The following CEP43 variants were observed in gnomAD, a reference collection of about 807,000 sequenced individuals.
CEP43 encodes centrosomal protein 43, also known as FGFR1 oncogene partner.
A neutral mutation model predicts 52.6 loss-of-function variants in CEP43; 36 were observed. The ratio of observed to expected loss-of-function variants is 0.68; its 90% CI spans 0.52 to 0.90. The LOEUF (loss-of-function observed/expected upper bound fraction) is 0.90, where lower values mean the gene tolerates loss of function less well. Ranked by LOEUF, CEP43 falls within the 40% of genes least tolerant of loss-of-function variation. The pLI, the probability that CEP43 is intolerant of heterozygous loss-of-function variation, is 0.00. For missense variants in CEP43, 506 were observed against 472.8 expected, an observed-to-expected ratio of 1.07 and a Z score of -0.65; for synonymous variants, 192 against 172.4, an observed-to-expected ratio of 1.11 and a Z score of -0.89.
rs1780704114 is a variant in CEP43 at position 167,041,866 on chromosome 6, C to G, written c.*1888C>G. 1.1e-6 allele frequency: 1 copy of G among 911,702 alleles called. No individual in the cohort carries two copies. The highest frequency in any genetic ancestry group is 6.0e-5 in the Admixed American group (1 of 16,700). 56.5% of individuals were successfully genotyped at this position (911,702 alleles called of 1,614,324 possible). A position where few individuals can be genotyped will look rare whatever the true frequency, so the allele number is the denominator to read the frequency against. On this transcript the variant is annotated 3_prime_UTR_variant, in exon 13 of 13. Transcript: ENST00000366847. Reference sequence around the variant, plus strand: ...GGGGACAGAGTCTCACTGTGTCACTCAGACTGGAGTACAGTGATGCGATCT... The same window carrying G: ...GGGGACAGAGTCTCACTGTGTCACTGAGACTGGAGTACAGTGATGCGATCT...
At chr6:167,025,723 C>T (rs961796619) in intron 9 of CEP43, among the ~76,000 whole-genome samples, 9 of 152,262 alleles carry the variant, frequency 5.9e-5, no homozygotes, top group African/African-American at 7.2e-5. Flanking sequence ...TTATAATGTC[C>T]GCATCCCTTC....
Position 167,044,405 on chromosome 6 carries a change from CAAG to C in CEP43, c.*4432_*4434del. ...ATTTCAAAGAAATCTTTATGTTTAG[CAAG>C]AAGACCAAGATGACAAGATGCGCCA... On this transcript the variant is annotated 3_prime_UTR_variant, in exon 13 of 13. Coordinates refer to ENST00000366847, the MANE Select transcript of CEP43 (RefSeq NM_007045.4). 7 of 985,330 alleles carry C rather than the reference CAAG, an allele frequency of 7.1e-6. No homozygotes were observed. The highest frequency in any genetic ancestry group is 8.4e-6 in the Non-Finnish European group (7 of 829,888). 61.0% of individuals were successfully genotyped at this position (985,330 alleles called of 1,614,324 possible).
chr6:167,047,723 A>G lies in CEP43; in HGVS notation c.*7745A>G, dbSNP rs1780820062. On this transcript the variant is annotated 3_prime_UTR_variant, in exon 13 of 13. Transcript: ENST00000366847. ...CAAAGCTCTCGCCCCGCGCCGAGCT[A>G]CTGTGATGTATTTTTATGACCTGGC... 3 of 152,270 alleles carry G rather than the reference A, an allele frequency of 2.0e-5. No homozygotes were observed. In the South Asian group the frequency reaches 6.2e-4, roughly 32 times the overall value. The allele number at this position is 152,270 out of a possible 1,614,324, so 9.4% of individuals were successfully genotyped here. A position where few individuals can be genotyped will look rare whatever the true frequency, so the allele number is the denominator to read the frequency against.
chr6:167,028,198 T>A (rs921967359), intron 10 of CEP43: 34 of 985,348 alleles, frequency 3.5e-5, no homozygotes, highest in Non-Finnish European at 4.0e-5. Flanking sequence ...CCAAACCTTT[T>A]AGCTTTTTTC....
At chr6:167,006,798 G>A (rs1779865168) in intron 5 of CEP43, among the ~76,000 whole-genome samples, 1 of 152,166 alleles carries the variant, frequency 6.6e-6, no homozygotes, top group African/African-American at 2.4e-5. Flanking sequence ...GTTCAGTGTA[G>A]TCTGCCTAAG....
At chr6:167,016,848 T>C (rs902697982) in intron 7 of CEP43, among the ~76,000 whole-genome samples, 6 of 151,412 alleles carry the variant, frequency 4.0e-5, no homozygotes, top group African/African-American at 1.5e-4. Context: ...GGCAGAGGCA[T>C]GGGTGAAGAG....
rs1007098188 is a variant in CEP43 at position 167,048,923 on chromosome 6, T to G, written c.*8945T>G. On this transcript the variant is annotated 3_prime_UTR_variant, in exon 13 of 13. Transcript: ENST00000366847. ...AAATGTGACAATTCTAGTACTTTCA[T>G]GACATTTTAAAAAAGGGATTGTAAA... The G allele has an allele frequency of 1.3e-5, 2 of 152,234 alleles. No individual in the cohort carries two copies. The highest frequency in any genetic ancestry group is 1.5e-5 in the Non-Finnish European group (1 of 68,036). 9.4% of individuals were successfully genotyped at this position (152,234 alleles called of 1,614,324 possible). A position where few individuals can be genotyped will look rare whatever the true frequency, so the allele number is the denominator to read the frequency against.
rs1176206236 is a variant in CEP43 at position 167,040,265 on chromosome 6, A to G, written c.*287A>G. ...TTACAGGGAAGGAACCCATGAAAAC[A>G]TCAGTGTTAAGAGCATGATGAAAGG... On this transcript the variant is annotated 3_prime_UTR_variant, in exon 13 of 13. Transcript: ENST00000366847. 6.7e-7 allele frequency: 1 copy of G among 1,497,136 alleles called. No individual in the cohort carries two copies. Among genetic ancestry groups the G allele is most frequent in the East Asian group, 2.4e-5 (1 of 40,874 alleles). 92.7% of individuals were successfully genotyped at this position (1,497,136 alleles called of 1,614,324 possible). A position where few individuals can be genotyped will look rare whatever the true frequency, so the allele number is the denominator to read the frequency against.
chr6:167,004,672 C>T (rs1779811992), intron 5 of CEP43, among the ~76,000 whole-genome samples: 1 of 56,692 alleles, frequency 1.8e-5, no homozygotes, highest in African/African-American at 6.2e-5. Flanking sequence ...CCCAACTCCT[C>T]GTTGCCTCAC....
rs1780792822 is a variant in CEP43 at position 167,046,115 on chromosome 6, A to G, written c.*6137A>G. 1 of 152,126 alleles carries G rather than the reference A, an allele frequency of 6.6e-6. No individual in the cohort carries two copies. Among genetic ancestry groups the G allele is most frequent in the Non-Finnish European group, 1.5e-5 (1 of 68,036 alleles). 9.4% of individuals were successfully genotyped at this position (152,126 alleles called of 1,614,324 possible). A position where few individuals can be genotyped will look rare whatever the true frequency, so the allele number is the denominator to read the frequency against. On this transcript the variant is annotated 3_prime_UTR_variant, in exon 13 of 13. Coordinates refer to ENST00000366847, the MANE Select transcript of CEP43 (RefSeq NM_007045.4). ...TCTTTACATTTTAACATACACTATT[A>G]TGTGTCAATATATTAATTATATATT...
rs771821419 is a variant in CEP43, at chr6:167,013,553, A to G, written c.565A>G (p.Lys189Glu). Residue 189 changes from lysine (K) to glutamate (E), a missense_variant, in exon 7 of 13, where the codon AAG (lysine) becomes GAG (glutamate). By Grantham distance (56) the Lys-to-Glu change is moderately conservative (BLOSUM62 1). Transcript: ENST00000366847. Reference protein sequence around the residue: ...GQGKKKTSGQKAGDKKANDEA... With the variant: ...GQGKKKTSGQEAGDKKANDEA... The stretch of plus-strand genomic sequence containing the variant: ...AGGTAAGAAGAAGACAAGCGGGCAG[A>G]AGGCTGGTGACAAGGTAACATGCAT... The G allele has an allele frequency of 2.5e-6, 4 of 1,613,728 alleles. No individual in the cohort carries two copies. Among genetic ancestry groups the G allele is most frequent in the Admixed American group, 3.3e-5 (2 of 59,990 alleles).
chr6:167,003,170 T>C, intron 2 of CEP43, 23 bp from the exon 3 acceptor site: 1 of 1,204,338 alleles, frequency 8.3e-7, no homozygotes, highest in South Asian at 1.4e-5. Context: ...CACATGACAC[T>C]TAAATTTTTT....
rs1314935518 is a variant in CEP43, at chr6:167,051,662, G to A, written c.*11684G>A. 6.6e-6 allele frequency: 1 copy of A among 152,090 alleles called. No individual in the cohort carries two copies. The highest frequency in any genetic ancestry group is 1.5e-5 in the Non-Finnish European group (1 of 68,002). The allele number at this position is 152,090 out of a possible 1,614,324, so 9.4% of individuals were successfully genotyped here. ...AATTGTTATATCTTCCTGATGGATT[G>A]GTATTGTAATCACTGTAAAATACAC... On this transcript the variant is annotated 3_prime_UTR_variant, in exon 13 of 13. Coordinates refer to ENST00000366847, the MANE Select transcript of CEP43 (RefSeq NM_007045.4).
intron 1 of CEP43, 191 bp downstream of exon 1, chr6:166,999,705 G>GCCCCA: frequency 2.1e-6 from 1 of 487,050 alleles, no homozygotes; most frequent in Non-Finnish European, 3.6e-6. Context: ...CGTTCGTGTG[G>GCCCCA]TCCCGGAGGG....
In CEP43 at chr6:167,046,561, C is replaced by T. The variant is rs981870637; in HGVS notation, c.*6583C>T. ...AGAACTGCTTATGCAAATTAACACT[C>T]CGTACATTTCAACAAGCAGTTGGCT... On this transcript the variant is annotated 3_prime_UTR_variant, in exon 13 of 13. Transcript: ENST00000366847. 3.3e-5 allele frequency: 5 copies of T among 152,240 alleles called. No individual in the cohort carries two copies. The highest frequency in any genetic ancestry group is 1.2e-4 in the African/African-American group (5 of 41,464). 9.4% of individuals were successfully genotyped at this position (152,240 alleles called of 1,614,324 possible).
At chr6:167,008,540 C>T (rs1046114676) in intron 5 of CEP43, among the ~76,000 whole-genome samples, 3 of 152,072 alleles carry the variant, frequency 2.0e-5, no homozygotes, top group African/African-American at 4.8e-5. Flanking sequence ...TCTCAACTCA[C>T]TGCTGCAAGC....
At chr6:167,003,532 G>A (rs1779784996) in intron 3 of CEP43, 191 bp from the exon 4 acceptor site, 3 of 560,746 alleles carry the variant, frequency 5.4e-6, no homozygotes, top group Non-Finnish European at 3.1e-6. Flanking sequence ...GTTACAGACT[G>A]ATGATCCCAG....
intron 3 of CEP43, 114 bp from the exon 4 acceptor site, chr6:167,003,607 CTT>C: frequency 1.6e-6 from 1 of 640,162 alleles, no homozygotes; most frequent in Non-Finnish European, 2.7e-6. Context: ...AAATTTGTAA[CTT>C]AAAAAATTTA....
chr6:167,008,122 T>C (rs901646226), intron 5 of CEP43, among the ~76,000 whole-genome samples: 1 of 128,980 alleles, frequency 7.8e-6, no homozygotes, highest in Non-Finnish European at 1.8e-5. Context: ...TAGCCTTATG[T>C]GTTTTTTTTT....
Sources: allele counts gnomAD v4.1 joint callset (sites outside exome capture counted in the v4.1 genomes callset), GRCh38; gene constraint gnomAD v4.1.1; transcripts MANE v1.5; gene names NCBI Gene and HGNC (gene_info 2026-07-23, HGNC 2026-07-21).